The following MSN variants were observed in gnomAD, a reference collection of about 807,000 sequenced individuals.
The protein encoded by MSN is epididymis luminal protein 70.
In MSN, 2 loss-of-function variants were observed where a neutral mutation model predicts 48.0. That is an observed-to-expected ratio of 0.04 (90% CI 0.02 to 0.13). MSN has a LOEUF of 0.13. Ranked by LOEUF, MSN falls within the 10% of genes least tolerant of loss-of-function variation. The probability of loss-of-function intolerance (pLI) is 1.00; values close to 1 mark genes in which losing one functional copy is unlikely to be tolerated. For missense variants in MSN, 267 were observed against 470.1 expected, an observed-to-expected ratio of 0.57 and a Z score of 3.99; for synonymous variants, 146 against 166.9, an observed-to-expected ratio of 0.87 and a Z score of 0.97.
chrX:65,647,712 A>G (rs768910190), intron 1 of MSN, among the ~76,000 whole-genome samples: 2 of 112,395 alleles, frequency 1.8e-5, no homozygotes, highest in East Asian at 5.6e-4. Flanking sequence ...TGGAGGAAGC[A>G]TAACACATTT....
At chrX:65,631,412 C>T (rs186309505) in intron 1 of MSN, among the ~76,000 whole-genome samples, 20 of 110,893 alleles carry the variant, frequency 1.8e-4, no homozygotes, top group East Asian at 5.6e-4. Context: ...CCTTCTTAAC[C>T]GCTGACAACC....
intron 1 of MSN, among the ~76,000 whole-genome samples, chrX:65,617,216 C>G (rs2070382674): frequency 9.2e-6 from 1 of 108,116 alleles, no homozygotes; most frequent in African/African-American, 3.7e-5. Flanking sequence ...ATGATGCTGG[C>G]CTCATAAAAT....
chrX:65,643,509 G>A (rs1012652159), intron 1 of MSN, among the ~76,000 whole-genome samples: 1 of 111,329 alleles, frequency 9.0e-6, no homozygotes, highest in Non-Finnish European at 1.9e-5. Flanking sequence ...GCGCACATTC[G>A]AATCACCCAG....
chrX:65,623,595 G>A (rs1000373340), intron 1 of MSN, among the ~76,000 whole-genome samples: 1 of 109,637 alleles, frequency 9.1e-6, no homozygotes, highest in African/African-American at 3.4e-5. Flanking sequence ...CGGATCACCC[G>A]AGGTCAGGAG....
At chrX:65,692,945 T>C in intron 1 of MSN, among the ~76,000 whole-genome samples, 1 of 112,189 alleles carries the variant, frequency 8.9e-6, no homozygotes, top group African/African-American at 3.2e-5. Flanking sequence ...CAGCGTTGTT[T>C]TTTTAAAAAA....
intron 7 of MSN, among the ~76,000 whole-genome samples, chrX:65,733,824 T>A (rs1259385167): frequency 1.8e-5 from 2 of 111,811 alleles, no homozygotes; most frequent in Non-Finnish European, 3.8e-5. Flanking sequence ...TGGCTAATTT[T>A]TGTAGTTTTA....
intron 4 of MSN, 35 bp downstream of exon 4, chrX:65,729,747 A>G: frequency 3.4e-6 from 4 of 1,190,631 alleles, no homozygotes; most frequent in Non-Finnish European, 4.5e-6. Context: ...TGCCTTGGCC[A>G]TAAGGGGCTG....
At chrX:65,666,293 C>T (rs2070869031), upstream of MSN, among the ~76,000 whole-genome samples, 1 of 109,604 alleles carries the variant, frequency 9.1e-6, no homozygotes, top group Non-Finnish European at 1.9e-5. Flanking sequence ...GGTAGGATTA[C>T]AGGTGTAAGC....
chrX:65,594,476 T>C (rs1374610823), intron 1 of MSN, among the ~76,000 whole-genome samples: 1 of 111,428 alleles, frequency 9.0e-6, no homozygotes, highest in Non-Finnish European at 1.9e-5. Flanking sequence ...CCTTGGAAGC[T>C]TGAATGAGTA....
chrX:65,705,185 G>A (rs1205979992), intron 1 of MSN, among the ~76,000 whole-genome samples: 1 of 111,522 alleles, frequency 9.0e-6, no homozygotes, highest in Non-Finnish European at 1.9e-5. Flanking sequence ...TGCAAGGTTC[G>A]AATCGAGTGA....
At chrX:65,682,076 T>C (rs1398036084) in intron 1 of MSN, among the ~76,000 whole-genome samples, 1 of 111,755 alleles carries the variant, frequency 8.9e-6, no homozygotes, top group East Asian at 2.8e-4. Context: ...TAGTATAAAA[T>C]AAGTGGTTTA....
upstream of MSN, among the ~76,000 whole-genome samples, chrX:65,666,614 C>G (rs761341857): frequency 4.5e-5 from 5 of 110,917 alleles, no homozygotes; most frequent in Non-Finnish European, 9.4e-5. Context: ...CCACTATGCC[C>G]GGCTCTCACT....
At chrX:65,684,697 C>T (rs1340488410) in intron 1 of MSN, among the ~76,000 whole-genome samples, 25 of 111,970 alleles carry the variant, frequency 2.2e-4, no homozygotes, top group Non-Finnish European at 5.6e-5. Flanking sequence ...CTCGGCCTCC[C>T]AAAGTGCTGG....
intron 12 of MSN, 130 bp downstream of exon 12, chrX:65,739,324 T>C (rs2147520895): frequency 1.6e-6 from 1 of 627,403 alleles, no homozygotes; most frequent in East Asian, 3.6e-5. Context: ...CAAGCCGTTC[T>C]TAAGTGACAG....
At chrX:65,636,982 C>T (rs1431271888) in intron 1 of MSN, among the ~76,000 whole-genome samples, 1 of 105,304 alleles carries the variant, frequency 9.5e-6, no homozygotes, top group Non-Finnish European at 1.9e-5. Context: ...GTCCGCTACT[C>T]GGGAGGCTGA....
At chrX:65,596,786 G>C (rs759224443) in intron 1 of MSN, among the ~76,000 whole-genome samples, 1 of 109,548 alleles carries the variant, frequency 9.1e-6, no homozygotes, top group South Asian at 3.9e-4. Context: ...TTTCTGGAGT[G>C]TCTGCATAAA....
chrX:65,643,078 T>C (rs945554231), intron 1 of MSN, among the ~76,000 whole-genome samples: 1 of 111,164 alleles, frequency 9.0e-6, no homozygotes, highest in African/African-American at 3.3e-5. Flanking sequence ...TCCCTTCTTC[T>C]GAGTCAGAGA....
chrX:65,715,018 A>G (rs1182662122), intron 1 of MSN, among the ~76,000 whole-genome samples: 2 of 112,209 alleles, frequency 1.8e-5, no homozygotes, highest in Non-Finnish European at 3.8e-5. Context: ...GATGGGGTCC[A>G]GTTTCAATCT....
intron 6 of MSN, among the ~76,000 whole-genome samples, chrX:65,732,941 G>C (rs1184841417): frequency 2.7e-5 from 3 of 111,468 alleles, no homozygotes; most frequent in Non-Finnish European, 5.7e-5. Context: ...GTTTGGCCAG[G>C]CTCAGTGGCT....
Sources: allele counts gnomAD v4.1 joint callset (sites outside exome capture counted in the v4.1 genomes callset), GRCh38; gene constraint gnomAD v4.1.1; transcripts MANE v1.5; gene names NCBI Gene and HGNC (gene_info 2026-07-23, HGNC 2026-07-21).